Variants in OR4K2 observed in about 807,000 individuals in gnomAD.
OR4K2 encodes the protein olfactory receptor family 4 subfamily K member 2.
Under a neutral mutation model 10.5 loss-of-function variants are expected in OR4K2, and 8 were observed. The observed-to-expected ratio is 0.76, with a 90% CI of 0.45 to 1.37. The LOEUF is 1.37. Among genes scored for constraint, OR4K2 ranks in the 40% most tolerant of loss-of-function variants. OR4K2 has a pLI of 0.00. For missense variants in OR4K2, 547 were observed against 379.5 expected (o/e 1.44, Z -3.67); for synonymous variants, 178 against 133.6 (o/e 1.33, Z -2.29).
chr14:19,876,262 A>G lies in OR4K2; in HGVS notation c.-6A>G, dbSNP rs893901025. 8.9e-6 allele frequency: 14 copies of G among 1,578,974 alleles called. No homozygotes were observed. The highest frequency in any genetic ancestry group is 1.0e-5 in the Non-Finnish European group (12 of 1,159,842). ...TGATACAGGCTTCTGCCTATGAATC[A>G]AGACAATGGATGTGGGCAATAAGTC... is the stretch of plus-strand genomic sequence containing the variant. On this transcript the variant is annotated 5_prime_UTR_variant, in exon 2 of 2. Transcript: ENST00000641885.
rs954153256 is a variant in OR4K2 at position 19,875,424 on chromosome 14, G to A, written c.-734G>A. On this transcript the variant is annotated 5_prime_UTR_variant, in exon 1 of 2. Transcript: ENST00000641885. Reference sequence around the variant, plus strand: ...TTTACATATGTTAACATTTACAGAAGAAGAATTCAAACAGAGGTGAAATGA... The same window carrying A: ...TTTACATATGTTAACATTTACAGAAAAAGAATTCAAACAGAGGTGAAATGA... 1 of 152,206 alleles carries A rather than the reference G, an allele frequency of 6.6e-6. No homozygotes were observed. The highest frequency in any genetic ancestry group is 1.5e-5 in the Non-Finnish European group (1 of 68,008). 9.4% of individuals were successfully genotyped at this position (152,206 alleles called of 1,614,324 possible). A position where few individuals can be genotyped will look rare whatever the true frequency, so the allele number is the denominator to read the frequency against.
rs1185907662 is a variant in OR4K2 at position 19,876,272 on chromosome 14, A to G, written c.5A>G (p.Asp2Gly). 5 of 1,438,198 alleles carry G rather than the reference A, an allele frequency of 3.5e-6. No homozygotes were observed. The highest frequency in any genetic ancestry group is 4.8e-6 in the Non-Finnish European group (5 of 1,045,778). The allele number at this position is 1,438,198 out of a possible 1,614,324, so 89.1% of individuals were successfully genotyped here. A position where few individuals can be genotyped will look rare whatever the true frequency, so the allele number is the denominator to read the frequency against. ...TTCTGCCTATGAATCAAGACAATGGATGTGGGCAATAAGTCTACCATGTCT... is the reference window on the plus strand; with the variant it reads ...TTCTGCCTATGAATCAAGACAATGGGTGTGGGCAATAAGTCTACCATGTCT... MDVGNKSTMSEF... is the reference protein window; with the variant it reads MGVGNKSTMSEF... The change falls in exon 2 of 2, where the codon GAT becomes GGT. Residue 2 changes from aspartate to glycine, a missense_variant. By Grantham distance (94) the Asp-to-Gly change is moderately conservative (BLOSUM62 -1). Coordinates refer to ENST00000641885, the MANE Select transcript of OR4K2 (RefSeq NM_001005501.2).
chr14:19,876,559 C>G lies in OR4K2; in HGVS notation c.292C>G (p.Leu98Val). 1 of 1,614,192 alleles carries G rather than the reference C, an allele frequency of 6.2e-7. No individual in the cohort carries two copies. The highest frequency in any genetic ancestry group is 1.3e-5 in the African/African-American group (1 of 75,056). ...GHKTISFDGC[L>V]TQIFFLHLFT... is the part of the protein sequence containing the mutation. ...CAAAACCATCTCTTTTGATGGCTGC[C>G]TTACCCAGATATTCTTTCTCCACCT... Residue 98 changes from leucine to valine, a missense_variant, in exon 2 of 2, where the codon CTT (leucine) becomes GTT (valine). Leu to Val is a conservative substitution (Grantham distance 32). Transcript: ENST00000641885.
In OR4K2 at chr14:19,881,596, G is replaced by A. The variant is rs1881037603; in HGVS notation, c.*4384G>A. 1 of 151,784 alleles carries A rather than the reference G, an allele frequency of 6.6e-6. No homozygotes were observed. The highest frequency in any genetic ancestry group is 2.4e-5 in the African/African-American group (1 of 41,284). 9.4% of individuals were successfully genotyped at this position (151,784 alleles called of 1,614,324 possible). A position where few individuals can be genotyped will look rare whatever the true frequency, so the allele number is the denominator to read the frequency against. ...CTGATAATTTACACTGCCAATATAA[G>A]GAGATGAATACCTATTTTTTAAATT... On this transcript the variant is annotated 3_prime_UTR_variant, in exon 2 of 2. Transcript: ENST00000641885.
rs141210026 is a variant in OR4K2 at position 19,876,496 on chromosome 14, G to T, written c.229G>T (p.Ala77Ser). 1 of 1,613,884 alleles carries T rather than the reference G, an allele frequency of 6.2e-7. No homozygotes were observed. Among genetic ancestry groups the T allele is most frequent in the Non-Finnish European group, 8.5e-7 (1 of 1,179,932 alleles). The change falls in exon 2 of 2, where the codon GCC becomes TCC. Residue 77 changes from alanine (A) to serine (S), a missense_variant. Ala to Ser is a moderately conservative substitution (Grantham distance 99). Coordinates refer to ENST00000641885, the MANE Select transcript of OR4K2 (RefSeq NM_001005501.2). ...CATTGATATGTCTCTTGCTTCTTTCGCCACCCCAAAGATGATTACAGATTA... is the reference window on the plus strand; with the variant it reads ...CATTGATATGTCTCTTGCTTCTTTCTCCACCCCAAAGATGATTACAGATTA... ...SIIDMSLASFATPKMITDYLT... is the reference protein window; with the variant it reads ...SIIDMSLASFSTPKMITDYLT...
Position 19,877,083 on chromosome 14 carries a change from T to G in OR4K2, c.816T>G (p.Ser272=). Reference sequence around the variant, plus strand: ...GCTTTCTCACAGACAAGATTCTGTCTGTGTTTTATACCATCTTTACTCCCA... The same window carrying G: ...GCTTTCTCACAGACAAGATTCTGTCGGTGTTTTATACCATCTTTACTCCCA... The part of the protein sequence containing the change: ...LSSFLTDKIL[S]VFYTIFTPTL... Residue 272 remains serine (S), a synonymous_variant, in exon 2 of 2, where the codon TCT becomes TCG. Transcript: ENST00000641885. 6.2e-7 allele frequency: 1 copy of G among 1,611,004 alleles called. No homozygotes were observed. The highest frequency in any genetic ancestry group is 8.5e-7 in the Non-Finnish European group (1 of 1,179,902).
In OR4K2 at chr14:19,881,806, T is replaced by G. The variant is rs1881042440; in HGVS notation, c.*4594T>G. The G allele has an allele frequency of 6.6e-6, 1 of 151,826 alleles. No homozygotes were observed. The highest frequency in any genetic ancestry group is 1.5e-5 in the Non-Finnish European group (1 of 67,946). 9.4% of individuals were successfully genotyped at this position (151,826 alleles called of 1,614,324 possible). On this transcript the variant is annotated 3_prime_UTR_variant, in exon 2 of 2. Coordinates refer to ENST00000641885, the MANE Select transcript of OR4K2 (RefSeq NM_001005501.2). Reference sequence around the variant, plus strand: ...CTCACTTGCCACCTGTTAAAGAAAATTTAAAGGAGAGATTTTTTTTTTTAG... The same window carrying G: ...CTCACTTGCCACCTGTTAAAGAAAAGTTAAAGGAGAGATTTTTTTTTTTAG...
rs1881009996 is a variant in OR4K2 at position 19,880,465 on chromosome 14, A to G, written c.*3253A>G. 1 of 152,220 alleles carries G rather than the reference A, an allele frequency of 6.6e-6. No individual in the cohort carries two copies. The highest frequency in any genetic ancestry group is 1.9e-4 in the East Asian group (1 of 5,202). 9.4% of individuals were successfully genotyped at this position (152,220 alleles called of 1,614,324 possible). A position where few individuals can be genotyped will look rare whatever the true frequency, so the allele number is the denominator to read the frequency against. On this transcript the variant is annotated 3_prime_UTR_variant, in exon 2 of 2. Transcript: ENST00000641885. ...TCATTCTGGGTGATAACCTCTGGAT[A>G]TCTTTGTTTATGGGACTTGATAGTC...
Position 19,875,365 on chromosome 14 carries a change from T to C in OR4K2, c.-793T>C, listed in dbSNP as rs1416955325. 1 of 152,238 alleles carries C rather than the reference T, an allele frequency of 6.6e-6. No individual in the cohort carries two copies. The highest frequency in any genetic ancestry group is 2.1e-4 in the South Asian group (1 of 4,834). The allele number at this position is 152,238 out of a possible 1,614,324, so 9.4% of individuals were successfully genotyped here. ...TGCCCTTCCCACTCCCATTTCCTAA[T>C]CCCTATTCCATGAAGCTTAGGTCAA... On this transcript the variant is annotated 5_prime_UTR_variant, in exon 1 of 2. Coordinates refer to ENST00000641885, the MANE Select transcript of OR4K2 (RefSeq NM_001005501.2).
chr14:19,877,975 T>C lies in OR4K2; in HGVS notation c.*763T>C, dbSNP rs1880952303. Reference sequence around the variant, plus strand: ...TGCTTAGTTCCTAAGAAGTTAAAACTAGAATTGAGAGACACAGTTTATAAC... The same window carrying C: ...TGCTTAGTTCCTAAGAAGTTAAAACCAGAATTGAGAGACACAGTTTATAAC... On this transcript the variant is annotated 3_prime_UTR_variant, in exon 2 of 2. Coordinates refer to ENST00000641885, the MANE Select transcript of OR4K2 (RefSeq NM_001005501.2). 6.6e-6 allele frequency: 1 copy of C among 152,264 alleles called. No homozygotes were observed. Among genetic ancestry groups the C allele is most frequent in the African/African-American group, 2.4e-5 (1 of 41,470 alleles). The allele number at this position is 152,264 out of a possible 1,614,324, so 9.4% of individuals were successfully genotyped here. A position where few individuals can be genotyped will look rare whatever the true frequency, so the allele number is the denominator to read the frequency against.
chr14:19,878,069 T>G lies in OR4K2; in HGVS notation c.*857T>G, dbSNP rs1880954642. On this transcript the variant is annotated 3_prime_UTR_variant, in exon 2 of 2. Transcript: ENST00000641885. ...TATTGCTTTCCATTTTGGTTATTTT[T>G]TTCTTGAAATATTTGGATGTAAAAA... is the stretch of plus-strand genomic sequence containing the variant. The G allele has an allele frequency of 6.6e-6, 1 of 152,266 alleles. No homozygotes were observed. The highest frequency in any genetic ancestry group is 6.5e-5 in the Admixed American group (1 of 15,286). The allele number at this position is 152,266 out of a possible 1,614,324, so 9.4% of individuals were successfully genotyped here.
chr14:19,880,338 T>C lies in OR4K2; in HGVS notation c.*3126T>C, dbSNP rs1881007322. Reference sequence around the variant, plus strand: ...CTCTTAGCCTCAGTTTCTACATATGTTAAAGGAGATAATAGTGGTCTCTAC... The same window carrying C: ...CTCTTAGCCTCAGTTTCTACATATGCTAAAGGAGATAATAGTGGTCTCTAC... On this transcript the variant is annotated 3_prime_UTR_variant, in exon 2 of 2. Coordinates refer to ENST00000641885, the MANE Select transcript of OR4K2 (RefSeq NM_001005501.2). 6.6e-6 allele frequency: 1 copy of C among 152,238 alleles called. No individual in the cohort carries two copies. 9.4% of individuals were successfully genotyped at this position (152,238 alleles called of 1,614,324 possible). A position where few individuals can be genotyped will look rare whatever the true frequency, so the allele number is the denominator to read the frequency against.
Position 19,876,237 on chromosome 14 carries a change from TGA to T in OR4K2, c.-23-7_-23-6del. The T allele has an allele frequency of 1.2e-6, 1 of 861,184 alleles. No homozygotes were observed. Among genetic ancestry groups the T allele is most frequent in the Non-Finnish European group, 1.7e-6 (1 of 592,270 alleles). The allele number at this position is 861,184 out of a possible 1,614,324, so 53.3% of individuals were successfully genotyped here. ...TCCTTTTTTTTTTTTTTTTTTTTCGTGATACAGGCTTCTGCCTATGAATCAAG... is the reference window on the plus strand; with the variant it reads ...TCCTTTTTTTTTTTTTTTTTTTTCGTTACAGGCTTCTGCCTATGAATCAAG... On this transcript the variant is annotated splice_polypyrimidine_tract_variant and splice_region_variant and intron_variant, in intron 1 of 1. Transcript: ENST00000641885.
rs371172454 is a variant in OR4K2, at chr14:19,876,887, C to T, written c.620C>T (p.Ala207Val). 6.4e-5 allele frequency: 104 copies of T among 1,614,100 alleles called. No individual in the cohort carries two copies. Among genetic ancestry groups the T allele is most frequent in the Admixed American group, 4.8e-4 (29 of 60,016 alleles). ...ATGATCTCAACAAGTGGCATAATTGCGTTGTCCTGTTTTATTGTTTTATTT... is the reference window on the plus strand; with the variant it reads ...ATGATCTCAACAAGTGGCATAATTGTGTTGTCCTGTTTTATTGTTTTATTT... ...LFMISTSGII[A>V]LSCFIVLFNS... Residue 207 changes from alanine (A) to valine (V), a missense_variant, in exon 2 of 2, where the codon GCG (alanine) becomes GTG (valine). Transcript: ENST00000641885.
chr14:19,878,659 G>C lies in OR4K2; in HGVS notation c.*1447G>C, dbSNP rs1401291575. 3 of 152,208 alleles carry C rather than the reference G, an allele frequency of 2.0e-5. No individual in the cohort carries two copies. Among genetic ancestry groups the C allele is most frequent in the Non-Finnish European group, 4.4e-5 (3 of 68,010 alleles). The allele number at this position is 152,208 out of a possible 1,614,324, so 9.4% of individuals were successfully genotyped here. On this transcript the variant is annotated 3_prime_UTR_variant, in exon 2 of 2. Transcript: ENST00000641885. Reference sequence around the variant, plus strand: ...AAAAACTTACAGCTTGAAAGTCTGTGATACTGTGTTTAAAGCCTGAGCAGT... The same window carrying C: ...AAAAACTTACAGCTTGAAAGTCTGTCATACTGTGTTTAAAGCCTGAGCAGT...
chr14:19,879,897 A>C lies in OR4K2; in HGVS notation c.*2685A>C, dbSNP rs1478874118. ...GGAAACTAACAACCTTTTATTAGTT[A>C]TTTCGATTTTTTTTTCCTGAAACAG... is the stretch of plus-strand genomic sequence containing the variant. On this transcript the variant is annotated 3_prime_UTR_variant, in exon 2 of 2. Coordinates refer to ENST00000641885, the MANE Select transcript of OR4K2 (RefSeq NM_001005501.2). The C allele has an allele frequency of 6.6e-6, 1 of 152,206 alleles. No homozygotes were observed. Among genetic ancestry groups the C allele is most frequent in the African/African-American group, 2.4e-5 (1 of 41,442 alleles). 9.4% of individuals were successfully genotyped at this position (152,206 alleles called of 1,614,324 possible). A position where few individuals can be genotyped will look rare whatever the true frequency, so the allele number is the denominator to read the frequency against.
Position 19,876,324 on chromosome 14 carries a change from T to C in OR4K2, c.57T>C (p.Asn19=). The change falls in exon 2 of 2, where the codon AAT becomes AAC. Residue 19 remains asparagine, a synonymous_variant. Transcript: ENST00000641885. ...MSEFVLLGLS[N]SWELQMFFFM... ...AATTTGTTTTGCTGGGGCTCTCTAA[T>C]TCCTGGGAACTACAGATGTTTTTCT... 1 of 1,612,960 alleles carries C rather than the reference T, an allele frequency of 6.2e-7. No homozygotes were observed. Among genetic ancestry groups the C allele is most frequent in the Non-Finnish European group, 8.5e-7 (1 of 1,179,386 alleles).
rs1040040312 is a variant in OR4K2, at chr14:19,875,552, G to A, written c.-606G>A. ...ATTATAAATATTTATAAGGAACACAGTCATATTTTAATTAAAAAGAAAGGA... is the reference window on the plus strand; with the variant it reads ...ATTATAAATATTTATAAGGAACACAATCATATTTTAATTAAAAAGAAAGGA... On this transcript the variant is annotated 5_prime_UTR_variant, in exon 1 of 2. Coordinates refer to ENST00000641885, the MANE Select transcript of OR4K2 (RefSeq NM_001005501.2). 1.3e-5 allele frequency: 2 copies of A among 152,184 alleles called. No individual in the cohort carries two copies. Among genetic ancestry groups the A allele is most frequent in the African/African-American group, 2.4e-5 (1 of 41,464 alleles). 9.4% of individuals were successfully genotyped at this position (152,184 alleles called of 1,614,324 possible).
In OR4K2 at chr14:19,877,552, T is replaced by A; in HGVS notation, c.*340T>A. On this transcript the variant is annotated 3_prime_UTR_variant, in exon 2 of 2. Transcript: ENST00000641885. ...CAATTACCCACAGTGAGCAACTGAG[T>A]CACTTAGTGAGATGCTCCTAAAGTA... The A allele has an allele frequency of 4.4e-6, 1 of 225,604 alleles. No individual in the cohort carries two copies. Among genetic ancestry groups the A allele is most frequent in the Non-Finnish European group, 8.8e-6 (1 of 113,066 alleles). 14.0% of individuals were successfully genotyped at this position (225,604 alleles called of 1,614,324 possible). A position where few individuals can be genotyped will look rare whatever the true frequency, so the allele number is the denominator to read the frequency against.
Sources: gnomAD v4.1 joint callset for allele counts on GRCh38, gnomAD v4.1.1 for gene constraint, MANE v1.5 for transcripts, NCBI Gene and HGNC (gene_info 2026-07-23, HGNC 2026-07-21) for gene names.